MACROD2: variants seen among roughly 807,000 people sequenced by gnomAD.
The protein encoded by MACROD2 is mono-ADP ribosylhydrolase 2.
A neutral mutation model predicts 70.4 loss-of-function variants in MACROD2; 36 were observed. The observed-to-expected ratio is 0.51, with a 90% CI of 0.39 to 0.68. The LOEUF (loss-of-function observed/expected upper bound fraction) is 0.68, where lower values mean the gene tolerates loss of function less well. Ranked by LOEUF, MACROD2 falls within the 30% of genes least tolerant of loss-of-function variation. The probability of loss-of-function intolerance (pLI) is 0.00; values close to 1 mark genes in which losing one functional copy is unlikely to be tolerated. For synonymous variants in MACROD2, 172 were observed against 178.8 expected, an observed-to-expected ratio of 0.96 and a Z score of 0.30; for missense variants, 496 against 538.4, an observed-to-expected ratio of 0.92 and a Z score of 0.78.
intron 2 of MACROD2, among the ~76,000 whole-genome samples, chr20:14,013,526 C>T (rs1420625188): frequency 1.3e-5 from 2 of 152,066 alleles, no homozygotes; most frequent in Admixed American, 1.3e-4. Context: ...CCCACCTCGG[C>T]CTCCCAAAGT....
chr20:14,133,944 C>T (rs2054754932), intron 3 of MACROD2, among the ~76,000 whole-genome samples: 1 of 152,198 alleles, frequency 6.6e-6, no homozygotes, highest in African/African-American at 2.4e-5. Flanking sequence ...ATATAGAGTC[C>T]TATCTATTTT....
chr20:15,273,666 G>A (rs2077365659), intron 6 of MACROD2, among the ~76,000 whole-genome samples: 1 of 152,136 alleles, frequency 6.6e-6, no homozygotes, highest in Admixed American at 6.5e-5. Flanking sequence ...TAGCTAAGGT[G>A]ACTGAATTCC....
At position 14,029,046 on chromosome 20, in the gene MACROD2, C is replaced by T. The variant is rs537070250; in HGVS notation, c.163+26642C>T. On this transcript the variant is annotated intron_variant, in intron 2 of 17. Coordinates refer to ENST00000684519, the MANE Select transcript of MACROD2 (RefSeq NM_001351661.2). The stretch of plus-strand genomic sequence containing the variant: ...TAAGTGTTAATGCTGGCACTTTCTT[C>T]ATGTTACCGGATGATGTTAATGAAA... Among the ~76,000 whole-genome samples, 61 of 152,284 alleles carry T rather than the reference C, an allele frequency of 4.0e-4. 2 individuals are homozygous for T. The South Asian group carries it at 0.012, about 31-fold the overall frequency.
chr20:16,006,694 T>C (rs1355693616), intron 15 of MACROD2, among the ~76,000 whole-genome samples: 1 of 152,184 alleles, frequency 6.6e-6, no homozygotes, highest in East Asian at 1.9e-4. Context: ...AATTGGGTGA[T>C]GTGTATTTTC....
intron 8 of MACROD2, among the ~76,000 whole-genome samples, chr20:15,815,777 TTTC>T (rs1278125618): frequency 5.3e-5 from 8 of 152,188 alleles, no homozygotes; most frequent in Non-Finnish European, 8.8e-5. Context: ...TTATGCAACT[TTTC>T]TTCTTCTGCC....
chr20:15,589,078 C>A (rs2048642942), intron 8 of MACROD2, among the ~76,000 whole-genome samples: 1 of 152,198 alleles, frequency 6.6e-6, no homozygotes, highest in Non-Finnish European at 1.5e-5. Context: ...GCTGGGGAGG[C>A]CTCAGAATCA....
chr20:15,447,369 C>T (rs1000787727), intron 7 of MACROD2, among the ~76,000 whole-genome samples: 15 of 152,162 alleles, frequency 9.9e-5, no homozygotes, highest in African/African-American at 2.4e-4. Context: ...GTTTCCACTT[C>T]GTGTTCTTTG....
intron 10 of MACROD2, 66 bp downstream of exon 10, chr20:15,885,877 C>A: frequency 7.2e-7 from 1 of 1,395,656 alleles, no homozygotes; most frequent in South Asian, 1.5e-5. Context: ...ATGTACACTT[C>A]ATATTTTTTC....
intron 3 of MACROD2, among the ~76,000 whole-genome samples, chr20:14,454,888 G>C (rs2084283848): frequency 6.6e-6 from 1 of 151,818 alleles, no homozygotes; most frequent in Admixed American, 6.6e-5. Context: ...TAGTAGCTGG[G>C]ACTACAGGTG....
At chr20:15,605,453 CGTGTGTGT>C (rs57584580) in intron 8 of MACROD2, among the ~76,000 whole-genome samples, 3 of 141,692 alleles carry the variant, frequency 2.1e-5, no homozygotes, top group Admixed American at 7.1e-5. Flanking sequence ...AGGATGTAAG[CGTGTGTGT>C]GTGTGTGTGT....
intron 8 of MACROD2, among the ~76,000 whole-genome samples, chr20:15,726,718 T>C (rs1401734756): frequency 6.6e-6 from 1 of 152,066 alleles, no homozygotes; most frequent in African/African-American, 2.4e-5. Flanking sequence ...TGTTGGCCAG[T>C]GGGTGTCTTC....
At chr20:14,281,279 A>G (rs2082304184) in intron 3 of MACROD2, among the ~76,000 whole-genome samples, 1 of 152,214 alleles carries the variant, frequency 6.6e-6, no homozygotes, top group South Asian at 2.1e-4. Context: ...TACAGTATGG[A>G]TAAACCTTGA....
chr20:14,337,786 T>G (rs1245402836), intron 3 of MACROD2, among the ~76,000 whole-genome samples: 1 of 152,194 alleles, frequency 6.6e-6, no homozygotes, highest in African/African-American at 2.4e-5. Flanking sequence ...AAATGAAGCA[T>G]CAGCCTGCCA....
rs73242474 is a variant in MACROD2, at chr20:15,690,073, C to T, written c.646-172672C>T. Among the ~76,000 whole-genome samples, 419 of 152,250 alleles carry T rather than the reference C, an allele frequency of 2.8e-3. 2 individuals are homozygous for T. The highest frequency in any genetic ancestry group is 9.4e-3 in the African/African-American group (390 of 41,538). The stretch of plus-strand genomic sequence containing the variant: ...CATCTAATGGTTTTAGGTAGAGGAG[C>T]GCATGACCAGACTTACATTTATGAA... On this transcript the variant is annotated intron_variant, in intron 8 of 17. Transcript: ENST00000684519.
chr20:14,173,584 A>G (rs181585970), intron 3 of MACROD2, among the ~76,000 whole-genome samples: 89 of 152,286 alleles, frequency 5.8e-4, no homozygotes, highest in Middle Eastern at 6.8e-3. Context: ...TGATTCACTT[A>G]GTATAATCGA....
At chr20:15,344,315 C>A (rs977884396) in intron 6 of MACROD2, among the ~76,000 whole-genome samples, 2 of 152,084 alleles carry the variant, frequency 1.3e-5, no homozygotes, top group African/African-American at 2.4e-5. Context: ...TTAGATTAGA[C>A]CATCCCAACT....
At chr20:15,563,427 A>C (rs1212181016) in intron 8 of MACROD2, among the ~76,000 whole-genome samples, 2 of 152,184 alleles carry the variant, frequency 1.3e-5, no homozygotes. Context: ...TTATGGCCTT[A>C]GAAAGCCTTT....
At chr20:15,960,843 G>A (rs961627002) in intron 12 of MACROD2, among the ~76,000 whole-genome samples, 4 of 152,096 alleles carry the variant, frequency 2.6e-5, no homozygotes, top group African/African-American at 9.7e-5. Flanking sequence ...ACAGGGAGGT[G>A]GGTGGGGCAC....
intron 6 of MACROD2, among the ~76,000 whole-genome samples, chr20:15,260,488 A>G (rs944097355): frequency 6.6e-6 from 1 of 151,902 alleles, no homozygotes; most frequent in Non-Finnish European, 1.5e-5. Flanking sequence ...GCTTAATAGT[A>G]TTCTGTTGTG....
Sources: allele counts gnomAD v4.1 joint callset (sites outside exome capture counted in the v4.1 genomes callset), GRCh38; gene constraint gnomAD v4.1.1; transcripts MANE v1.5; gene names NCBI Gene and HGNC (gene_info 2026-07-23, HGNC 2026-07-21).